The following MARCHF1 variants were observed in gnomAD, a reference collection of about 807,000 sequenced individuals.
MARCHF1 encodes the protein E3 ubiquitin-protein ligase MARCHF1.
MARCHF1 carries 40 observed loss-of-function variants against 54.2 expected under a neutral mutation model. That is an observed-to-expected ratio of 0.74 (90% CI 0.57 to 0.96). MARCHF1 has a LOEUF of 0.96. Among genes scored for constraint, MARCHF1 ranks in the 40% least tolerant of loss-of-function variants. The probability of loss-of-function intolerance (pLI) is 0.00; values close to 1 mark genes in which losing one functional copy is unlikely to be tolerated. For synonymous variants in MARCHF1, 236 were observed against 236.3 expected (o/e 1.00, Z 0.01); for missense variants, 586 against 656.5 (o/e 0.89, Z 1.17).
At chr4:163,852,048 G>C (rs1450966723) in intron 4 of MARCHF1, among the ~76,000 whole-genome samples, 1 of 152,056 alleles carries the variant, frequency 6.6e-6, no homozygotes, top group African/African-American at 2.4e-5. Flanking sequence ...TTAATTACTG[G>C]ATTTAATTCC....
At chr4:164,234,265 C>G (rs1732488802) in intron 1 of MARCHF1, among the ~76,000 whole-genome samples, 1 of 152,074 alleles carries the variant, frequency 6.6e-6, no homozygotes, top group Admixed American at 6.6e-5. Context: ...TCTGAAAACT[C>G]TTTCAAAAAG....
chr4:164,136,121 C>T (rs1364839186), intron 1 of MARCHF1, among the ~76,000 whole-genome samples: 1 of 151,174 alleles, frequency 6.6e-6, no homozygotes, highest in Non-Finnish European at 1.5e-5. Context: ...TTAAATATAT[C>T]CTCACTGGGA....
At chr4:163,982,697 T>C (rs1056786669) in intron 3 of MARCHF1, among the ~76,000 whole-genome samples, 4 of 152,210 alleles carry the variant, frequency 2.6e-5, no homozygotes, top group Non-Finnish European at 5.9e-5. Context: ...TCTATTTTTT[T>C]TCTCTCTCTA....
intron 1 of MARCHF1, among the ~76,000 whole-genome samples, chr4:164,203,455 T>C (rs1731512476): frequency 6.6e-6 from 1 of 152,200 alleles, no homozygotes; most frequent in Non-Finnish European, 1.5e-5. Flanking sequence ...GTCTAAAGGC[T>C]GTCTATTGGT....
At chr4:164,007,628 ATT>A (rs1368010715) in intron 2 of MARCHF1, among the ~76,000 whole-genome samples, 5 of 95,060 alleles carry the variant, frequency 5.3e-5, no homozygotes, top group African/African-American at 1.6e-4. Context: ...TGTAGAATTT[ATT>A]TCTCTCTCTC....
At chr4:163,750,838 C>T (rs556751919) in intron 4 of MARCHF1, among the ~76,000 whole-genome samples, 5 of 152,060 alleles carry the variant, frequency 3.3e-5, no homozygotes, top group Non-Finnish European at 7.4e-5. Flanking sequence ...ATTGACCATT[C>T]TGTATTTCTC....
chr4:163,928,666 G>A (rs1223941780), intron 3 of MARCHF1, among the ~76,000 whole-genome samples: 5 of 151,800 alleles, frequency 3.3e-5, no homozygotes, highest in Non-Finnish European at 7.4e-5. Context: ...TGAACAAAAC[G>A]TTAAAATTCT....
chr4:163,601,589 T>C (rs1411862687), intron 7 of MARCHF1, among the ~76,000 whole-genome samples: 1 of 152,064 alleles, frequency 6.6e-6, no homozygotes, highest in Non-Finnish European at 1.5e-5. Flanking sequence ...TGATTGGATA[T>C]TCAACAAACT....
chr4:164,025,081 AAAAC>A (rs975169013), intron 2 of MARCHF1, among the ~76,000 whole-genome samples: 4 of 152,146 alleles, frequency 2.6e-5, no homozygotes, highest in African/African-American at 9.6e-5. Flanking sequence ...GATTAAAAAC[AAAAC>A]AAACAAAAAG....
chr4:164,189,334 G>T, intron 1 of MARCHF1: 1 of 609,524 alleles, frequency 1.6e-6, no homozygotes, highest in South Asian at 2.1e-5. Flanking sequence ...AGACTTTTCT[G>T]AGACCCTGAC....
intron 3 of MARCHF1, among the ~76,000 whole-genome samples, chr4:163,935,702 C>CTTTTTTTTTTTTTTTTTTTTTTT (rs34331599): frequency 8.0e-6 from 1 of 125,758 alleles, no homozygotes; most frequent in Non-Finnish European, 1.7e-5. Flanking sequence ...TGCTTGCTTT[C>CTTTTTTTTTTTTTTTTTTTTTTT]TTTTTTTTTT....
chr4:163,636,879 T>C (rs1338026736), intron 5 of MARCHF1, among the ~76,000 whole-genome samples: 1 of 152,184 alleles, frequency 6.6e-6, no homozygotes, highest in Non-Finnish European at 1.5e-5. Flanking sequence ...AACAGCATGG[T>C]ACTGGTACCA....
chr4:163,965,519 G>T (rs1752425205), intron 3 of MARCHF1, among the ~76,000 whole-genome samples: 1 of 151,998 alleles, frequency 6.6e-6, no homozygotes, highest in East Asian at 1.9e-4. Flanking sequence ...GGACTAAACT[G>T]CATTTCTCTC....
intron 4 of MARCHF1, among the ~76,000 whole-genome samples, chr4:163,768,615 A>G (rs1394354427): frequency 6.6e-6 from 1 of 152,182 alleles, no homozygotes; most frequent in Non-Finnish European, 1.5e-5. Flanking sequence ...TTTATTAGGA[A>G]ATGCATGGCT....
At chr4:163,626,759 T>C (rs1203788042) in intron 5 of MARCHF1, among the ~76,000 whole-genome samples, 1 of 152,086 alleles carries the variant, frequency 6.6e-6, no homozygotes, top group Non-Finnish European at 1.5e-5. Flanking sequence ...AAACCCCATC[T>C]CTACTAAAAT....
chr4:163,717,267 A>G (rs2111274446), intron 4 of MARCHF1, among the ~76,000 whole-genome samples: 1 of 150,126 alleles, frequency 6.7e-6, no homozygotes, highest in South Asian at 2.1e-4. Flanking sequence ...TGTCCTTGCG[A>G]TAGTTTGCTG....
intron 5 of MARCHF1, among the ~76,000 whole-genome samples, chr4:163,642,702 G>A (rs1469705553): frequency 6.6e-6 from 1 of 152,066 alleles, no homozygotes; most frequent in Non-Finnish European, 1.5e-5. Flanking sequence ...TGTTCCTCCA[G>A]AACTCCAGAT....
intron 2 of MARCHF1, among the ~76,000 whole-genome samples, chr4:164,065,861 G>A (rs190670716): frequency 6.2e-4 from 95 of 152,256 alleles, no homozygotes; most frequent in African/African-American, 2.2e-3. Flanking sequence ...GGAAGTATCC[G>A]GTGTGGGAAA....
intron 4 of MARCHF1, among the ~76,000 whole-genome samples, chr4:163,787,046 G>T (rs533314629): frequency 8.0e-4 from 122 of 151,954 alleles, no homozygotes; most frequent in Non-Finnish European, 1.6e-3. Context: ...AGTGAAGTTG[G>T]ACACTTACCT....
Sources: gnomAD v4.1 joint callset for allele counts (sites outside exome capture counted in the v4.1 genomes callset) on GRCh38, gnomAD v4.1.1 for gene constraint, MANE v1.5 for transcripts, NCBI Gene and HGNC (gene_info 2026-07-23, HGNC 2026-07-21) for gene names.